The following SLC9C1 variants were observed in gnomAD, a reference collection of about 807,000 sequenced individuals.
SLC9C1 encodes the protein solute carrier family 9 member C1, also known as sodium/hydrogen exchanger 10.
SLC9C1 carries 97 observed loss-of-function variants against 140.9 expected under a neutral mutation model. The observed-to-expected ratio is 0.69, with a 90% CI of 0.58 to 0.82. SLC9C1 has a LOEUF of 0.82. Among genes scored for constraint, SLC9C1 ranks in the 40% least tolerant of loss-of-function variants. The pLI is 0.00. For synonymous variants in SLC9C1, 440 were observed against 442.6 expected (o/e 0.99, Z 0.07); for missense variants, 1,340 against 1,389.3 (o/e 0.96, Z 0.56).
At chr3:112,193,231 G>A (rs983007617) in intron 20 of SLC9C1, among the ~76,000 whole-genome samples, 13 of 152,248 alleles carry the variant, frequency 8.5e-5, no homozygotes, top group African/African-American at 2.9e-4. Context: ...CACATGACAT[G>A]TCAGCTAACC....
chr3:112,171,042 C>T (rs546471695), intron 23 of SLC9C1, among the ~76,000 whole-genome samples: 10 of 152,132 alleles, frequency 6.6e-5, no homozygotes, highest in Non-Finnish European at 1.2e-4. Context: ...GGCGAAATGC[C>T]GTCTCTACTA....
chr3:112,150,973 G>A (rs915700353), intron 28 of SLC9C1, among the ~76,000 whole-genome samples: 5 of 151,236 alleles, frequency 3.3e-5, no homozygotes, highest in Non-Finnish European at 5.9e-5. Flanking sequence ...GAGTAGCTGG[G>A]ATTACAGGCA....
intron 2 of SLC9C1, among the ~76,000 whole-genome samples, chr3:112,285,394 A>T (rs1242604633): frequency 6.6e-6 from 1 of 151,654 alleles, no homozygotes; most frequent in African/African-American, 2.4e-5. Context: ...GTGCACCACC[A>T]CTCCAGGCTA....
Position 112,227,956 on chromosome 3 carries a change from A to G in SLC9C1, c.1572+3405T>C, listed in dbSNP as rs201428365. 4.6e-5 allele frequency among the ~76,000 whole-genome samples: 7 copies of G among 152,144 alleles called. No individual in the cohort carries two copies. The East Asian group carries it at 7.7e-4, about 17-fold the overall frequency. ...ACATCCCATGTTCATATATTGGAAG[A>G]ACAAATCTTGTTAAAATGACCATAC... is the stretch of plus-strand genomic sequence containing the variant. On this transcript the variant is annotated intron_variant, in intron 13 of 28. Transcript: ENST00000305815.
chr3:112,255,159 A>G (rs1001454237), intron 10 of SLC9C1, among the ~76,000 whole-genome samples: 2 of 152,180 alleles, frequency 1.3e-5, no homozygotes, highest in African/African-American at 4.8e-5. Context: ...CTCCACGGAC[A>G]GTAGCAAACG....
intron 6 of SLC9C1, among the ~76,000 whole-genome samples, chr3:112,270,845 T>C (rs2080053640): frequency 1.3e-5 from 2 of 152,162 alleles, no homozygotes; most frequent in African/African-American, 4.8e-5. Context: ...TGACCATTTG[T>C]ATGTCTTCTT....
Position 112,263,112 on chromosome 3 carries a change from CA to C in SLC9C1, c.1023-15del. Reference sequence around the variant, plus strand: ...AGGGTCAGAAATCTAAAAGACAAAACAATTTTTACAAAGTTATTCTTTCATA... The same window carrying C: ...AGGGTCAGAAATCTAAAAGACAAAACATTTTTACAAAGTTATTCTTTCATA... On this transcript the variant is annotated splice_polypyrimidine_tract_variant and intron_variant, in intron 9 of 28. Transcript: ENST00000305815. 1 of 1,549,700 alleles carries C rather than the reference CA, an allele frequency of 6.5e-7. No individual in the cohort carries two copies. Among genetic ancestry groups the C allele is most frequent in the South Asian group, 1.3e-5 (1 of 78,550 alleles).
At chr3:112,273,623 G>A (rs777714740) in intron 6 of SLC9C1, among the ~76,000 whole-genome samples, 2 of 152,080 alleles carry the variant, frequency 1.3e-5, no homozygotes, top group African/African-American at 2.4e-5. Flanking sequence ...TCTTCACTTC[G>A]GAGTTTTAGG....
In SLC9C1 at chr3:112,239,967, C is replaced by A; in HGVS notation, c.1319G>T (p.Cys440Phe). The change falls in exon 12 of 29, where the codon TGT (cysteine) becomes TTT (phenylalanine). Residue 440 changes from cysteine (C) to phenylalanine (F), a missense_variant. Coordinates refer to ENST00000305815, the MANE Select transcript of SLC9C1 (RefSeq NM_183061.3). ...DATSTKYKSVCCTFQHFQELT... is the reference protein window; with the variant it reads ...DATSTKYKSVFCTFQHFQELT... ...CTCTTGAAAGTGTTGAAATGTGCAACAAACCGATTTATATTTTGTTGATGT... is the reference window on the plus strand; with the variant it reads ...CTCTTGAAAGTGTTGAAATGTGCAAAAAACCGATTTATATTTTGTTGATGT... The A allele has an allele frequency of 1.2e-6, 2 of 1,612,758 alleles. No homozygotes were observed. Among genetic ancestry groups the A allele is most frequent in the Non-Finnish European group, 1.7e-6 (2 of 1,179,654 alleles).
Position 112,204,366 on chromosome 3 carries a change from C to T in SLC9C1, c.2024G>A (p.Trp675Ter). ...AMRKDFFSHAWNIFELAITLI... is the reference protein window; with the variant it reads ...AMRKDFFSHA ...TGTAATTGCTAACTCGAATATGTTC[C>T]AGGCATGTGAAAAAAAGTCCTTCCT... The change falls in exon 17 of 29, where the codon TGG becomes TAG. Residue 675 changes from tryptophan (W) to a stop codon, truncating the protein, a stop_gained. Coordinates refer to ENST00000305815, the MANE Select transcript of SLC9C1 (RefSeq NM_183061.3). LOFTEE classifies it high-confidence loss of function. The T allele has an allele frequency of 3.2e-6, 5 of 1,571,422 alleles. No individual in the cohort carries two copies. The highest frequency in any genetic ancestry group is 4.3e-6 in the Non-Finnish European group (5 of 1,165,692).
At chr3:112,161,411 GT>G (rs1216175901) in intron 26 of SLC9C1, among the ~76,000 whole-genome samples, 7 of 152,082 alleles carry the variant, frequency 4.6e-5, no homozygotes, top group African/African-American at 1.7e-4. Context: ...TAGGTCTAAC[GT>G]TTAAGTCTTT....
At chr3:112,237,227 C>T (rs1560107728) in intron 12 of SLC9C1, among the ~76,000 whole-genome samples, 3 of 152,184 alleles carry the variant, frequency 2.0e-5, no homozygotes, top group Admixed American at 2.0e-4. Context: ...TAATGGCCTT[C>T]TTTGTCTCTT....
chr3:112,279,469 A>G (rs114994039), intron 3 of SLC9C1, among the ~76,000 whole-genome samples: 2,864 of 152,306 alleles, frequency 0.019, 68 homozygotes, highest in Non-Finnish European at 0.03. Flanking sequence ...CATGGGTACT[A>G]AAGAATATGC....
intron 9 of SLC9C1, 74 bp from the exon 10 acceptor site, chr3:112,263,172 A>T: frequency 1.6e-6 from 2 of 1,258,982 alleles, no homozygotes; most frequent in Non-Finnish European, 2.2e-6. Flanking sequence ...ACTCTATTCT[A>T]ATCTACTCCC....
chr3:112,259,813 C>T (rs4682389), intron 10 of SLC9C1, among the ~76,000 whole-genome samples: 45,037 of 151,970 alleles, frequency 0.3, 7,230 homozygotes, highest in East Asian at 0.42. Flanking sequence ...TTTTACATTG[C>T]TCCAAATCTT....
chr3:112,152,976 C>T (rs990026047), intron 27 of SLC9C1, among the ~76,000 whole-genome samples: 6 of 152,132 alleles, frequency 3.9e-5, no homozygotes, highest in Non-Finnish European at 8.8e-5. Context: ...CAATAACAGT[C>T]TGATCTATCT....
chr3:112,172,262 T>C (rs1368601407), intron 23 of SLC9C1, among the ~76,000 whole-genome samples: 1 of 152,156 alleles, frequency 6.6e-6, no homozygotes, highest in Non-Finnish European at 1.5e-5. Flanking sequence ...AAATATTCTA[T>C]GGTTTTCATT....
rs1382472925 is a variant in SLC9C1, at chr3:112,224,819, GAGAA to G, written c.1573-3598_1573-3595del. ...AAAGAAAAGAAAAAAGAGAGAAAGA[GAGAA>G]AGAAAGAAAGATAGATAGATAGAAA... On this transcript the variant is annotated intron_variant, in intron 13 of 28. Transcript: ENST00000305815. 2.4e-4 allele frequency among the ~76,000 whole-genome samples: 37 copies of G among 151,784 alleles called. No homozygotes were observed. In the East Asian group the frequency reaches 4.3e-3, roughly 17 times the overall value.
intron 26 of SLC9C1, among the ~76,000 whole-genome samples, chr3:112,158,839 G>A (rs1166367800): frequency 6.6e-6 from 1 of 151,658 alleles, no homozygotes; most frequent in East Asian, 1.9e-4. Flanking sequence ...ATGATCCTTT[G>A]TATTTCTGTG....
Sources: allele counts gnomAD v4.1 joint callset (sites outside exome capture counted in the v4.1 genomes callset), GRCh38; gene constraint gnomAD v4.1.1; transcripts MANE v1.5; gene names NCBI Gene and HGNC (gene_info 2026-07-23, HGNC 2026-07-21).